CDYL: variants seen among roughly 807,000 people sequenced by gnomAD.
CDYL encodes the protein chromodomain Y like.
A neutral mutation model predicts 47.3 loss-of-function variants in CDYL; 8 were observed. That is an observed-to-expected ratio of 0.17 (90% CI 0.10 to 0.31). The LOEUF (loss-of-function observed/expected upper bound fraction) is 0.31. CDYL is among the 10% of genes least tolerant of loss of function. CDYL has a pLI of 1.00. For missense variants in CDYL, 471 were observed against 701.4 expected (o/e 0.67, Z 3.71); for synonymous variants, 266 against 265.0 (o/e 1.00, Z -0.04).
intron 3 of CDYL, among the ~76,000 whole-genome samples, chr6:4,743,507 C>T (rs978840408): frequency 1.1e-4 from 17 of 152,194 alleles, no homozygotes; most frequent in African/African-American, 3.6e-4. Flanking sequence ...ACACTTCTTA[C>T]CCCTTCCCCC....
intron 2 of CDYL, among the ~76,000 whole-genome samples, chr6:4,916,814 G>A (rs1197124194): frequency 6.6e-6 from 1 of 152,190 alleles, no homozygotes; most frequent in Non-Finnish European, 1.5e-5. Flanking sequence ...ATTCCAAGGA[G>A]GTGTAGTGTG....
chr6:4,781,581 C>T (rs894953742), intron 1 of CDYL, among the ~76,000 whole-genome samples: 2 of 152,186 alleles, frequency 1.3e-5, no homozygotes, highest in African/African-American at 4.8e-5. Flanking sequence ...TTTGCCCCAG[C>T]AGCAGTGTGG....
chr6:4,918,359 G>A (rs923802176), intron 2 of CDYL, among the ~76,000 whole-genome samples: 1 of 150,166 alleles, frequency 6.7e-6, no homozygotes, highest in African/African-American at 2.4e-5. Flanking sequence ...GAAAGGTTGG[G>A]TGATGTTCTG....
At chr6:4,851,902 A>G (rs1275906841) in intron 1 of CDYL, among the ~76,000 whole-genome samples, 3 of 152,194 alleles carry the variant, frequency 2.0e-5, no homozygotes, top group Non-Finnish European at 4.4e-5. Flanking sequence ...TGATAATGAT[A>G]CTAACCAAAA....
chr6:4,944,361 A>G (rs1168452909), intron 5 of CDYL, among the ~76,000 whole-genome samples: 2 of 152,216 alleles, frequency 1.3e-5, no homozygotes, highest in Non-Finnish European at 2.9e-5. Context: ...AGGGATGGGA[A>G]GGAAGCAGGA....
upstream of CDYL, chr6:4,772,886 T>C: frequency 2.9e-6 from 1 of 339,440 alleles, no homozygotes; most frequent in Non-Finnish European, 5.8e-6. Context: ...TGGCTTCTTT[T>C]GTTTTTTTCT....
intron 1 of CDYL, among the ~76,000 whole-genome samples, chr6:4,831,396 CG>C (rs1561658830): frequency 6.6e-6 from 1 of 151,920 alleles, no homozygotes; most frequent in Admixed American, 6.6e-5. Context: ...TGTAGATATG[CG>C]GCATTATTTC....
chr6:4,954,136 TCA>T lies in CDYL; in HGVS notation c.*83_*84del. ...CGGCTCCAGTTCCCCTGATCCATTC[TCA>T]CAGCCTGAAACAAGCTCACCCGTAG... On this transcript the variant is annotated 3_prime_UTR_variant, in exon 7 of 7. Transcript: ENST00000397588. The T allele has an allele frequency of 6.8e-7, 1 of 1,466,176 alleles. No individual in the cohort carries two copies. The highest frequency in any genetic ancestry group is 1.4e-5 in the South Asian group (1 of 71,506). The allele number at this position is 1,466,176 out of a possible 1,614,324, so 90.8% of individuals were successfully genotyped here.
upstream of CDYL, among the ~76,000 whole-genome samples, chr6:4,776,124 C>A (rs1158927790): frequency 2.0e-5 from 3 of 149,628 alleles, no homozygotes; most frequent in Non-Finnish European, 4.5e-5. Flanking sequence ...ACCCCGCAAG[C>A]GGGACTGGGG....
chr6:4,901,749 T>G (rs977716866), intron 2 of CDYL, among the ~76,000 whole-genome samples: 6 of 152,206 alleles, frequency 3.9e-5, no homozygotes, highest in African/African-American at 1.4e-4. Context: ...CTGTGTCAAG[T>G]GAGTGAAACT....
upstream of CDYL, among the ~76,000 whole-genome samples, chr6:4,771,705 TTCTC>T (rs765592793): frequency 9.9e-5 from 15 of 152,278 alleles, no homozygotes; most frequent in Admixed American, 7.2e-4. Context: ...TGCCTAGTTG[TTCTC>T]TCTCTCTCTT....
At chr6:4,905,094 A>G (rs1260956073) in intron 2 of CDYL, among the ~76,000 whole-genome samples, 1 of 152,210 alleles carries the variant, frequency 6.6e-6, no homozygotes, top group Admixed American at 6.5e-5. Context: ...AGAGAAGTCC[A>G]CGTTGGATAA....
At chr6:4,715,369 A>G (rs976986195) in intron 1 of CDYL, among the ~76,000 whole-genome samples, 1 of 152,216 alleles carries the variant, frequency 6.6e-6, no homozygotes. Flanking sequence ...TGTAATGCAG[A>G]CACATTTTCA....
intron 5 of CDYL, among the ~76,000 whole-genome samples, chr6:4,948,226 G>A (rs1240458798): frequency 1.3e-5 from 2 of 152,182 alleles, no homozygotes; most frequent in Non-Finnish European, 2.9e-5. Flanking sequence ...TATGATCTAT[G>A]TAGATGTGTG....
At chr6:4,756,875 G>A (rs192035900) in intron 3 of CDYL, among the ~76,000 whole-genome samples, 2 of 152,126 alleles carry the variant, frequency 1.3e-5, no homozygotes, top group East Asian at 3.9e-4. Flanking sequence ...AATAATATGG[G>A]TTACTTTTGT....
chr6:4,889,980 C>T, intron 1 of CDYL: 11 of 985,342 alleles, frequency 1.1e-5, no homozygotes, highest in Non-Finnish European at 1.3e-5. Flanking sequence ...CCTGGGGGAA[C>T]CAGTGGTACA....
At chr6:4,916,686 G>A (rs1040006291) in intron 2 of CDYL, among the ~76,000 whole-genome samples, 4 of 152,298 alleles carry the variant, frequency 2.6e-5, no homozygotes, top group Middle Eastern at 3.4e-3. Flanking sequence ...TTATCTGAGT[G>A]GTTCATTCCA....
At chr6:4,734,912 C>T (rs35047361) in intron 3 of CDYL, 419,120 of 1,591,756 alleles carry the variant, frequency 0.26, 56,432 homozygotes, top group Admixed American at 0.35. Context: ...ATAGGGGAAT[C>T]GCCCCACACC....
rs1040744038 is a variant in CDYL, at chr6:4,718,610, A to G, written c.103+2729A>G. On this transcript the variant is annotated intron_variant, in intron 2 of 8. Transcript: ENST00000328908. ...TTTCCTTAATCTGAAAAGTATAAAA[A>G]AGGTTTTTTTTAATCCAGATTCCCA... 3 of 148,538 alleles carry G rather than the reference A, an allele frequency of 2.0e-5. No homozygotes were observed. In the East Asian group the frequency reaches 6.0e-4, roughly 30 times the overall value. 9.2% of individuals were successfully genotyped at this position (148,538 alleles called of 1,614,324 possible).
Sources: allele counts gnomAD v4.1 joint callset (sites outside exome capture counted in the v4.1 genomes callset), GRCh38; gene constraint gnomAD v4.1.1; transcripts MANE v1.5; gene names NCBI Gene and HGNC (gene_info 2026-07-23, HGNC 2026-07-21).